CSMD1: variants seen among roughly 807,000 people sequenced by gnomAD.
CSMD1 encodes the protein CUB and sushi domain-containing protein 1.
In CSMD1, 213 loss-of-function variants were observed where a neutral mutation model predicts 417.5. That is an observed-to-expected ratio of 0.51 (90% confidence interval 0.46 to 0.57). CSMD1 has a LOEUF of 0.57. Ranked by LOEUF, CSMD1 falls within the 20% of genes least tolerant of loss-of-function variation. CSMD1 has a pLI of 0.00. For synonymous variants in CSMD1, 2,862 were observed against 1,736.8 expected (o/e 1.65, Z -16.11); for missense variants, 6,923 against 4,529.7 (o/e 1.53, Z -15.17).
At chr8:3,341,064 C>G (rs1156554554) in intron 23 of CSMD1, among the ~76,000 whole-genome samples, 2 of 152,202 alleles carry the variant, frequency 1.3e-5, no homozygotes, top group Admixed American at 6.5e-5. Context: ...CAAAGTTACT[C>G]AGTGAAGTGG....
chr8:3,794,250 G>T (rs1346383911), intron 5 of CSMD1, among the ~76,000 whole-genome samples: 1 of 152,206 alleles, frequency 6.6e-6, no homozygotes, highest in East Asian at 1.9e-4. Flanking sequence ...CAGTTGAGAT[G>T]TTGATGGCCT....
intron 12 of CSMD1, among the ~76,000 whole-genome samples, chr8:3,448,372 A>T: frequency 5.8e-5 from 1 of 17,116 alleles, no homozygotes; most frequent in Non-Finnish European, 1.2e-4. Flanking sequence ...GAAGGGAGGA[A>T]GGGAGGGGGA....
chr8:3,960,609 T>C (rs1191673194), intron 5 of CSMD1, among the ~76,000 whole-genome samples: 2 of 152,124 alleles, frequency 1.3e-5, no homozygotes, highest in Non-Finnish European at 2.9e-5. Flanking sequence ...AAATATTGTA[T>C]ATAACATTAA....
chr8:3,933,078 A>T lies in CSMD1; in HGVS notation c.818+64825T>A, dbSNP rs576383467. 7.7e-4 allele frequency among the ~76,000 whole-genome samples: 113 copies of T among 146,098 alleles called. 5 individuals carry two copies. The highest frequency in any genetic ancestry group is 2.6e-3 in the African/African-American group (103 of 39,584). On this transcript the variant is annotated intron_variant, in intron 5 of 69. Coordinates refer to ENST00000635120, the MANE Select transcript of CSMD1 (RefSeq NM_033225.6). ...GCAAATTATCTCATTAAAAAAAAAC[A>T]AAAGAAACAACATTATTTTCCTCTT...
intron 5 of CSMD1, among the ~76,000 whole-genome samples, chr8:3,968,429 A>T (rs1047485479): frequency 6.6e-6 from 1 of 152,136 alleles, no homozygotes; most frequent in African/African-American, 2.4e-5. Context: ...ACATGGACAC[A>T]CACTCAGCAA....
intron 3 of CSMD1, among the ~76,000 whole-genome samples, chr8:4,342,819 TC>T (rs148660038): frequency 0.015 from 2,286 of 151,830 alleles, 57 homozygotes; most frequent in African/African-American, 0.051. Flanking sequence ...TGCCACAACA[TC>T]GCAAAGAAAA....
intron 1 of CSMD1, among the ~76,000 whole-genome samples, chr8:4,714,746 A>C (rs1037800637): frequency 6.6e-6 from 1 of 152,230 alleles, no homozygotes; most frequent in African/African-American, 2.4e-5. Context: ...TGCCACTTAA[A>C]TTTTGCTGAA....
chr8:4,107,112 G>T (rs1049604676), intron 3 of CSMD1, among the ~76,000 whole-genome samples: 1 of 152,130 alleles, frequency 6.6e-6, no homozygotes, highest in South Asian at 2.1e-4. Flanking sequence ...ACAGAAATGA[G>T]GACTAACAAC....
At chr8:3,922,960 G>A (rs1809379670) in intron 5 of CSMD1, among the ~76,000 whole-genome samples, 2 of 152,102 alleles carry the variant, frequency 1.3e-5, no homozygotes, top group African/African-American at 2.4e-5. Flanking sequence ...GCCCCTTGAG[G>A]TGTTCATCCA....
intron 40 of CSMD1, among the ~76,000 whole-genome samples, chr8:3,150,832 G>T (rs1406569360): frequency 3.3e-5 from 5 of 151,832 alleles, no homozygotes; most frequent in East Asian, 1.9e-4. Context: ...GCCAGAAAAA[G>T]GTTCTATAAT....
intron 1 of CSMD1, among the ~76,000 whole-genome samples, chr8:4,922,739 C>G (rs1435943267): frequency 6.6e-6 from 1 of 152,066 alleles, no homozygotes; most frequent in Non-Finnish European, 1.5e-5. Context: ...TTCTCACGCC[C>G]CTAGATTGCC....
At chr8:4,204,502 C>T (rs1799862557) in intron 3 of CSMD1, among the ~76,000 whole-genome samples, 1 of 152,138 alleles carries the variant, frequency 6.6e-6, no homozygotes, top group Admixed American at 6.5e-5. Flanking sequence ...AAACCAGATT[C>T]AATTTCCATA....
In CSMD1 at chr8:4,309,321, T is replaced by C. The variant is rs144387601; in HGVS notation, c.415+110632A>G. On this transcript the variant is annotated intron_variant, in intron 3 of 69. Transcript: ENST00000635120. ...GCACTGTCTATTTAGCATGTTATTT[T>C]ATAAAATGAGATGAGAAGTTTTTTT... Among the ~76,000 whole-genome samples the C allele has an allele frequency of 2.9e-3, 447 of 152,316 alleles. 23 individuals carry two copies. In the East Asian group the frequency reaches 0.078, roughly 27 times the overall value.
intron 3 of CSMD1, among the ~76,000 whole-genome samples, chr8:4,099,783 A>C (rs544847390): frequency 1.3e-5 from 2 of 152,170 alleles, no homozygotes; most frequent in African/African-American, 4.8e-5. Flanking sequence ...CACTTCCCTT[A>C]TGATAGTACT....
chr8:3,117,583 T>A (rs1355269949), intron 42 of CSMD1, among the ~76,000 whole-genome samples: 1 of 152,198 alleles, frequency 6.6e-6, no homozygotes, highest in Non-Finnish European at 1.5e-5. Flanking sequence ...TTACAGTAAA[T>A]TTTCTATTGC....
intron 7 of CSMD1, among the ~76,000 whole-genome samples, chr8:3,682,913 A>T (rs1053317338): frequency 6.6e-6 from 1 of 152,162 alleles, no homozygotes; most frequent in Non-Finnish European, 1.5e-5. Flanking sequence ...GAAGCTGGAA[A>T]CCATCATTCT....
At chr8:4,257,710 C>G (rs559864151) in intron 3 of CSMD1, among the ~76,000 whole-genome samples, 1 of 152,162 alleles carries the variant, frequency 6.6e-6, no homozygotes, top group Admixed American at 6.5e-5. Context: ...GTCAGTGTCA[C>G]TGGGTACCAA....
At chr8:4,170,360 G>C (rs1231576897) in intron 3 of CSMD1, among the ~76,000 whole-genome samples, 3 of 151,832 alleles carry the variant, frequency 2.0e-5, no homozygotes, top group Non-Finnish European at 1.5e-5. Context: ...CGTATATTCG[G>C]ATAATTTATG....
At chr8:3,822,407 G>T (rs1005631279) in intron 5 of CSMD1, among the ~76,000 whole-genome samples, 1 of 152,114 alleles carries the variant, frequency 6.6e-6, no homozygotes, top group South Asian at 2.1e-4. Flanking sequence ...GAAACCTTGG[G>T]CATTTTTTAG....
Sources: allele counts gnomAD v4.1 joint callset (sites outside exome capture counted in the v4.1 genomes callset), GRCh38; gene constraint gnomAD v4.1.1; transcripts MANE v1.5; gene names NCBI Gene and HGNC (gene_info 2026-07-23, HGNC 2026-07-21).